Variants in NUP37 observed in about 807,000 individuals in gnomAD.
NUP37 encodes the protein nucleoporin 37.
Under a neutral mutation model 45.4 loss-of-function variants are expected in NUP37, and 33 were observed. The observed-to-expected ratio is 0.73, with a 90% confidence interval of 0.55 to 0.97. NUP37 has a LOEUF of 0.97. Among genes scored for constraint, NUP37 ranks in the 50% least tolerant of loss-of-function variants. NUP37 has a pLI of 0.00. For missense variants in NUP37, 365 were observed against 389.7 expected (o/e 0.94, Z 0.53); for synonymous variants, 127 against 130.7 (o/e 0.97, Z 0.19).
At chr12:102,090,771 A>G (rs1204543089) in intron 5 of NUP37, among the ~76,000 whole-genome samples, 1 of 152,224 alleles carries the variant, frequency 6.6e-6, no homozygotes, top group Non-Finnish European at 1.5e-5. Context: ...TCCCAAGCCA[A>G]TCAATGGACT....
intron 5 of NUP37, among the ~76,000 whole-genome samples, chr12:102,098,379 AC>A (rs1243684680): frequency 2.6e-5 from 4 of 152,206 alleles, no homozygotes; most frequent in African/African-American, 9.6e-5. Flanking sequence ...ATTTATCAAA[AC>A]ACTAAATTTT....
At chr12:102,082,240 C>CT (rs201208592) in intron 6 of NUP37, among the ~76,000 whole-genome samples, 1,578 of 152,066 alleles carry the variant, frequency 0.01, 20 homozygotes, top group African/African-American at 0.036. Context: ...GATCTTACGG[C>CT]TTTTTTTATG....
At chr12:102,090,099 C>T (rs1332487633) in intron 5 of NUP37, among the ~76,000 whole-genome samples, 2 of 152,184 alleles carry the variant, frequency 1.3e-5, no homozygotes, top group East Asian at 3.8e-4. Flanking sequence ...TCCTTTTCCC[C>T]TCTCATATTT....
intron 5 of NUP37, among the ~76,000 whole-genome samples, chr12:102,089,537 G>A (rs1260051540): frequency 6.1e-5 from 9 of 147,018 alleles, no homozygotes; most frequent in African/African-American, 2.3e-4. Context: ...GGGGCGGCCA[G>A]GCAGAGGCGC....
In NUP37 at chr12:102,073,686, C is replaced by A. The variant is rs1879091372; in HGVS notation, c.*668G>T. The A allele has an allele frequency of 6.6e-6, 1 of 151,856 alleles. No homozygotes were observed. Among genetic ancestry groups the A allele is most frequent in the Non-Finnish European group, 1.5e-5 (1 of 67,970 alleles). 9.4% of individuals were successfully genotyped at this position (151,856 alleles called of 1,614,324 possible). ...GAATACCCTAAGATATTTTTTTCTCCTTGGATTTTTTTTCTTTTGAGATAG... is the reference window on the plus strand; with the variant it reads ...GAATACCCTAAGATATTTTTTTCTCATTGGATTTTTTTTCTTTTGAGATAG... On this transcript the variant is annotated 3_prime_UTR_variant, in exon 10 of 10. Coordinates refer to ENST00000552283, the MANE Select transcript of NUP37 (RefSeq NM_024057.4).
At chr12:102,103,527 G>GA (rs1276028239) in intron 3 of NUP37, among the ~76,000 whole-genome samples, 5 of 152,106 alleles carry the variant, frequency 3.3e-5, no homozygotes, top group Non-Finnish European at 5.9e-5. Context: ...CATGTATCAG[G>GA]AAACAGACAA....
chr12:102,098,744 C>G (rs917795147), intron 5 of NUP37, among the ~76,000 whole-genome samples: 5 of 152,160 alleles, frequency 3.3e-5, no homozygotes, highest in Admixed American at 3.3e-4. Context: ...GTTGGTCAGG[C>G]TGGTCATTAA....
chr12:102,095,316 T>C (rs1165362611), intron 5 of NUP37, among the ~76,000 whole-genome samples: 2 of 152,140 alleles, frequency 1.3e-5, no homozygotes, highest in African/African-American at 2.4e-5. Flanking sequence ...ATTTTAGCCT[T>C]CTTTCAATGA....
intron 6 of NUP37, among the ~76,000 whole-genome samples, chr12:102,083,959 C>T (rs1009739462): frequency 2.6e-5 from 4 of 151,586 alleles, no homozygotes; most frequent in African/African-American, 7.3e-5. Context: ...TGGGAAAAGA[C>T]GAAATGAAGT....
chr12:102,105,539 C>T (rs1332545515), intron 3 of NUP37, among the ~76,000 whole-genome samples: 3 of 149,930 alleles, frequency 2.0e-5, no homozygotes, highest in Non-Finnish European at 4.5e-5. Flanking sequence ...TCAACAACAA[C>T]AAGAATTCCG....
At chr12:102,106,893 C>T (rs186721343) in intron 3 of NUP37, among the ~76,000 whole-genome samples, 16 of 152,204 alleles carry the variant, frequency 1.1e-4, no homozygotes, top group South Asian at 4.2e-4. Flanking sequence ...CTCAGGAAAC[C>T]GACCTTCAGG....
intron 5 of NUP37, among the ~76,000 whole-genome samples, chr12:102,091,422 A>C (rs1490474469): frequency 2.5e-4 from 37 of 148,832 alleles, no homozygotes; most frequent in African/African-American, 7.1e-4. Context: ...AAAAAAAAAA[A>C]AAAAAACCCA....
intron 9 of NUP37, chr12:102,074,729 A>C (rs1879119771): frequency 2.3e-6 from 1 of 437,714 alleles, no homozygotes; most frequent in African/African-American, 2.0e-5. Flanking sequence ...TAATGTATTT[A>C]AATAAAGAAG....
At chr12:102,115,865 CTAG>C in intron 2 of NUP37, 3 of 910,490 alleles carry the variant, frequency 3.3e-6, no homozygotes, top group Non-Finnish European at 3.9e-6. Context: ...CTTGAAGGTT[CTAG>C]GACAACAGAA....
At chr12:102,085,656 G>GT (rs1879446824) in intron 6 of NUP37, 110 bp downstream of exon 6, 1 of 527,394 alleles carries the variant, frequency 1.9e-6, no homozygotes, top group Non-Finnish European at 3.4e-6. Flanking sequence ...GTGCTGACTA[G>GT]TATCTCTGAG....
At chr12:102,095,391 T>TAAAG (rs1169426996) in intron 5 of NUP37, among the ~76,000 whole-genome samples, 4 of 152,098 alleles carry the variant, frequency 2.6e-5, no homozygotes, top group Admixed American at 1.3e-4. Flanking sequence ...AACACACACA[T>TAAAG]AAAGCATCAG....
Position 102,074,450 on chromosome 12 carries a change from A to G in NUP37, c.885T>C (p.Ser295=), listed in dbSNP as rs528955685. 5.8e-5 allele frequency: 93 copies of G among 1,606,434 alleles called. No homozygotes were observed. The South Asian group carries it at 9.7e-4, about 17-fold the overall frequency. The change falls in exon 10 of 10, where the codon TCT becomes TCC. Residue 295 remains serine, a synonymous_variant. Transcript: ENST00000552283. ...AGGACAGTCCAGATCCAACGGCTAC[A>G]GAACCCATGAGGATGGGCTATAAAA... ...LGHPQPILMG[S]VAVGSGLSWH... is the part of the protein sequence containing the mutation.
At chr12:102,096,660 CTT>C (rs1879811677) in intron 5 of NUP37, among the ~76,000 whole-genome samples, 1 of 152,120 alleles carries the variant, frequency 6.6e-6, no homozygotes, top group African/African-American at 2.4e-5. Context: ...GATATACTCT[CTT>C]GTCACATATG....
intron 5 of NUP37, 35 bp downstream of exon 5, chr12:102,099,071 A>T: frequency 1.5e-6 from 2 of 1,309,858 alleles, no homozygotes; most frequent in Non-Finnish European, 2.2e-6. Context: ...TTAAAATGGC[A>T]ATTTAAAAAT....
Sources: gnomAD v4.1 joint callset for allele counts (sites outside exome capture counted in the v4.1 genomes callset) on GRCh38, gnomAD v4.1.1 for gene constraint, MANE v1.5 for transcripts, NCBI Gene and HGNC (gene_info 2026-07-23, HGNC 2026-07-21) for gene names.